The following NBEAL1 variants were observed in gnomAD, a reference collection of about 807,000 sequenced individuals.
NBEAL1 encodes neurobeachin-like protein 1.
A neutral mutation model predicts 351.3 loss-of-function variants in NBEAL1; 273 were observed. The observed-to-expected ratio is 0.78, with a 90% CI of 0.70 to 0.86. The LOEUF is 0.86. Among genes scored for constraint, NBEAL1 ranks in the 40% least tolerant of loss-of-function variants. The pLI, the probability that NBEAL1 is intolerant of heterozygous loss-of-function variation, is 0.00. For synonymous variants in NBEAL1, 1,050 were observed against 1,086.4 expected, an observed-to-expected ratio of 0.97 and a Z score of 0.66; for missense variants, 2,961 against 3,201.3, an observed-to-expected ratio of 0.92 and a Z score of 1.81.
At chr2:203,194,458 T>C (rs2065179435) in intron 47 of NBEAL1, among the ~76,000 whole-genome samples, 1 of 152,132 alleles carries the variant, frequency 6.6e-6, no homozygotes, top group African/African-American at 2.4e-5. Context: ...CATTAACCCT[T>C]CACAAAAAGA....
At chr2:203,190,770 C>T (rs1013722850) in intron 46 of NBEAL1, 23 of 1,610,110 alleles carry the variant, frequency 1.4e-5, no homozygotes, top group Admixed American at 3.3e-5. Flanking sequence ...CAACACCAGC[C>T]GCCTCCACCA....
rs1417882842 is a variant in NBEAL1, at chr2:203,220,830, A to G, written c.*3476A>G. 3.3e-5 allele frequency among the ~76,000 whole-genome samples: 5 copies of G among 152,214 alleles called. No individual in the cohort carries two copies. The highest frequency in any genetic ancestry group is 7.4e-5 in the Non-Finnish European group (5 of 68,020). On this transcript the variant is annotated 3_prime_UTR_variant, in exon 56 of 56. Transcript: ENST00000683969. ...GCAAGTTGGTTTAGTCTTTCTTTTTAGCCTGTGAAGCTCACGTCTGTTATT... is the reference window on the plus strand; with the variant it reads ...GCAAGTTGGTTTAGTCTTTCTTTTTGGCCTGTGAAGCTCACGTCTGTTATT...
At chr2:203,170,523 A>G (rs1249687395) in intron 39 of NBEAL1, among the ~76,000 whole-genome samples, 1 of 152,194 alleles carries the variant, frequency 6.6e-6, no homozygotes, top group Admixed American at 6.5e-5. Flanking sequence ...TTATATTCTT[A>G]TTTATATCCC....
At chr2:203,070,763 C>T (rs2061669360) in intron 7 of NBEAL1, among the ~76,000 whole-genome samples, 1 of 152,122 alleles carries the variant, frequency 6.6e-6, no homozygotes, top group Admixed American at 6.5e-5. Context: ...CTCATGAGAA[C>T]TCTGTCATGA....
At chr2:203,141,371 T>TTTTTTTA (rs2063373484) in intron 31 of NBEAL1, among the ~76,000 whole-genome samples, 1 of 64,946 alleles carries the variant, frequency 1.5e-5, no homozygotes, top group Non-Finnish European at 3.0e-5. Context: ...TTATTATTTT[T>TTTTTTTA]TTTTTTTTTT....
chr2:203,187,697 C>T (rs1257418100), intron 44 of NBEAL1, among the ~76,000 whole-genome samples: 1 of 151,298 alleles, frequency 6.6e-6, no homozygotes, highest in Admixed American at 6.6e-5. Flanking sequence ...GAGCCAAGAT[C>T]GTGCCACTGC....
In NBEAL1 at chr2:203,144,747, A is replaced by G. The variant is rs201301987; in HGVS notation, c.4996A>G (p.Ile1666Val). Residue 1666 changes from isoleucine to valine, a missense_variant, in exon 32 of 56, where the codon ATT (isoleucine) becomes GTT (valine). Physicochemically the swap from Ile to Val is conservative, Grantham distance 29. Coordinates refer to ENST00000683969, the MANE Select transcript of NBEAL1 (RefSeq NM_001378026.1). ...ACAGACTGAAATCTACTCATTTCTG[A>G]TTCCCCTTGTTCGTACCCTGGTTTC... The part of the protein sequence containing the change: ...KEQTEIYSFL[I>V]PLVRTLVSKI... 2.7e-5 allele frequency: 43 copies of G among 1,614,044 alleles called. No individual in the cohort carries two copies. Among genetic ancestry groups the G allele is most frequent in the Non-Finnish European group, 3.5e-5 (41 of 1,180,024 alleles).
intron 2 of NBEAL1, among the ~76,000 whole-genome samples, chr2:203,026,555 T>C (rs1460559068): frequency 6.6e-6 from 1 of 151,534 alleles, no homozygotes; most frequent in Non-Finnish European, 1.5e-5. Flanking sequence ...GTCTCCAGGC[T>C]CCAGGCTGGA....
At chr2:203,210,174 C>T (rs1018053001) in intron 53 of NBEAL1, among the ~76,000 whole-genome samples, 3 of 150,872 alleles carry the variant, frequency 2.0e-5, no homozygotes. Context: ...ACCAGCCTGG[C>T]CAACATGGTG....
Position 203,144,910 on chromosome 2 carries a change from GT to G in NBEAL1, c.5154+9del. 2 of 1,564,494 alleles carry G rather than the reference GT, an allele frequency of 1.3e-6. No individual in the cohort carries two copies. The highest frequency in any genetic ancestry group is 1.7e-6 in the Non-Finnish European group (2 of 1,158,434). ...CAAGTTTACATTGAAAAATATGTAA[GT>G]TTTATCTTTTTTGATCAAGATTTTT... On this transcript the variant is annotated splice_donor_region_variant and intron_variant, in intron 32 of 55. Transcript: ENST00000683969.
intron 36 of NBEAL1, among the ~76,000 whole-genome samples, chr2:203,163,926 C>T (rs1375184341): frequency 6.6e-6 from 1 of 151,930 alleles, no homozygotes; most frequent in Non-Finnish European, 1.5e-5. Context: ...TGTGAAATGT[C>T]TGTTCAAGTC....
intron 6 of NBEAL1, among the ~76,000 whole-genome samples, chr2:203,064,713 G>A (rs568616018): frequency 2.3e-4 from 35 of 152,256 alleles, no homozygotes; most frequent in Admixed American, 1.4e-3. Flanking sequence ...TAAAAGAGGC[G>A]AAAGAGACAC....
At chr2:203,187,942 C>T (rs2064957660) in intron 44 of NBEAL1, among the ~76,000 whole-genome samples, 1 of 152,098 alleles carries the variant, frequency 6.6e-6, no homozygotes, top group Non-Finnish European at 1.5e-5. Flanking sequence ...ATAACAATTT[C>T]CTCACTGTCT....
intron 10 of NBEAL1, among the ~76,000 whole-genome samples, chr2:203,092,238 A>G (rs1008961422): frequency 3.5e-4 from 53 of 152,138 alleles, no homozygotes; most frequent in Non-Finnish European, 1.0e-4. Flanking sequence ...TTACTAATTT[A>G]TACATGTAGC....
In NBEAL1 at chr2:203,168,988, C is replaced by T. The variant is rs1451780598; in HGVS notation, c.5998-759C>T. ...TTTTATAACTTTGCATTTGTATAGC[C>T]CTGAATAATTCACAGTACTATAAGG... On this transcript the variant is annotated intron_variant, in intron 38 of 55. Coordinates refer to ENST00000683969, the MANE Select transcript of NBEAL1 (RefSeq NM_001378026.1). 3.3e-5 allele frequency among the ~76,000 whole-genome samples: 5 copies of T among 151,464 alleles called. No individual in the cohort carries two copies. The East Asian group carries it at 9.7e-4, about 29-fold the overall frequency.
intron 1 of NBEAL1, among the ~76,000 whole-genome samples, chr2:203,015,253 A>T (rs1308663843): frequency 6.6e-6 from 1 of 152,022 alleles, no homozygotes; most frequent in Non-Finnish European, 1.5e-5. Flanking sequence ...TGTGAGGAGG[A>T]AATTAAAAGA....
chr2:203,104,281 C>G (rs2062386657), intron 12 of NBEAL1, among the ~76,000 whole-genome samples: 1 of 152,002 alleles, frequency 6.6e-6, no homozygotes, highest in Non-Finnish European at 1.5e-5. Flanking sequence ...TAAATTGAGC[C>G]CTTTATCATT....
intron 11 of NBEAL1, among the ~76,000 whole-genome samples, chr2:203,098,122 T>G (rs1314427498): frequency 6.6e-6 from 1 of 152,232 alleles, no homozygotes; most frequent in African/African-American, 2.4e-5. Flanking sequence ...GCATAAAACT[T>G]GACTTTTTGT....
chr2:203,032,143 G>A (rs1316489047), intron 2 of NBEAL1, among the ~76,000 whole-genome samples: 2 of 152,138 alleles, frequency 1.3e-5, no homozygotes, highest in Admixed American at 6.5e-5. Context: ...GAGCTTTTAA[G>A]TGGTTCCTTC....
Sources: gnomAD v4.1 joint callset for allele counts (sites outside exome capture counted in the v4.1 genomes callset) on GRCh38, gnomAD v4.1.1 for gene constraint, MANE v1.5 for transcripts, NCBI Gene and HGNC (gene_info 2026-07-23, HGNC 2026-07-21) for gene names.